ROCK1: variants seen among roughly 807,000 people sequenced by gnomAD.
ROCK1 encodes the protein Rho associated coiled-coil containing protein kinase 1.
In ROCK1, 36 loss-of-function variants were observed where a neutral mutation model predicts 196.8. The observed-to-expected ratio is 0.18, with a 90% CI of 0.14 to 0.24. The LOEUF (loss-of-function observed/expected upper bound fraction) is 0.24, where lower values mean the gene tolerates loss of function less well. ROCK1 is among the 10% of genes least tolerant of loss of function. ROCK1 has a pLI of 1.00. For synonymous variants in ROCK1, 443 were observed against 515.9 expected (o/e 0.86, Z 1.91); for missense variants, 920 against 1,562.0 (o/e 0.59, Z 6.93).
At chr18:21,067,214 A>G (rs1364264964) in intron 2 of ROCK1, among the ~76,000 whole-genome samples, 1 of 152,098 alleles carries the variant, frequency 6.6e-6, no homozygotes, top group Non-Finnish European at 1.5e-5. Context: ...GGCCATTTTT[A>G]CATCTTCTTT....
chr18:21,011,104 T>A (rs2035813201), intron 13 of ROCK1, among the ~76,000 whole-genome samples: 1 of 152,198 alleles, frequency 6.6e-6, no homozygotes, highest in Admixed American at 6.5e-5. Flanking sequence ...AATGGGGGAT[T>A]TAAAAAAATC....
rs2143499890 is a variant in ROCK1, at chr18:21,039,705, A to C, written c.960-142T>G. The C allele has an allele frequency of 1.4e-5, 8 of 584,820 alleles. No homozygotes were observed. In the South Asian group the frequency reaches 1.7e-4, roughly 12 times the overall value. 36.2% of individuals were successfully genotyped at this position (584,820 alleles called of 1,614,324 possible). On this transcript the variant is annotated intron_variant, in intron 8 of 32. Coordinates refer to ENST00000399799, the MANE Select transcript of ROCK1 (RefSeq NM_005406.3). ...GGTGAAATTATATTGTCAGCATAGTATCAGCCCAAATAGAAAATATGTTAA... is the reference window on the plus strand; with the variant it reads ...GGTGAAATTATATTGTCAGCATAGTCTCAGCCCAAATAGAAAATATGTTAA...
At chr18:20,959,982 A>T (rs2035311218) in intron 28 of ROCK1, 54 bp from the exon 29 acceptor site, 1 of 1,180,782 alleles carries the variant, frequency 8.5e-7, no homozygotes, top group Admixed American at 1.8e-5. Context: ...ACTTGGTTTA[A>T]AGTGATAAGC....
rs561868036 is a variant in ROCK1, at chr18:21,027,922, C to T, written c.1211+854G>A. ...GACTACAGGCGCCCGCTACCACGCC[C>T]GGCTAATTTTTTGTATTTTTAGTAG... On this transcript the variant is annotated intron_variant, in intron 10 of 32. Coordinates refer to ENST00000399799, the MANE Select transcript of ROCK1 (RefSeq NM_005406.3). 6.7e-3 allele frequency among the ~76,000 whole-genome samples: 974 copies of T among 145,612 alleles called. 4 individuals carry two copies. Among genetic ancestry groups the T allele is most frequent in the Non-Finnish European group, 0.011 (719 of 66,002 alleles).
chr18:20,954,958 G>C lies in ROCK1; in HGVS notation c.3678C>G (p.His1226Gln), dbSNP rs2035227767. ...GTGTAGGAATAAACTCATGGCCTTT[G>C]TGATTTTGGAAATTAGTTTTTTCAG... ...QQAEKTNFQN[H>Q]KGHEFIPTLY... The change falls in exon 31 of 33, where the codon CAC (histidine) becomes CAG (glutamine). Residue 1226 changes from histidine to glutamine, a missense_variant. By Grantham distance (24) the His-to-Gln change is conservative. Around this residue, in one of 6 missense-constraint regions of ROCK1, gnomAD observed 49 missense variants for 180.4 expected, o/e 0.27. Transcript: ENST00000399799. 6.2e-7 allele frequency: 1 copy of C among 1,613,754 alleles called. No individual in the cohort carries two copies. Among genetic ancestry groups the C allele is most frequent in the Non-Finnish European group, 8.5e-7 (1 of 1,179,850 alleles).
At chr18:20,959,970 T>A in intron 28 of ROCK1, 42 bp from the exon 29 acceptor site, 1 of 1,282,334 alleles carries the variant, frequency 7.8e-7, no homozygotes, top group Non-Finnish European at 1.1e-6. Flanking sequence ...AGAGCAACAT[T>A]AACTTGGTTT....
chr18:20,978,738 T>G (rs1229687528), intron 22 of ROCK1, among the ~76,000 whole-genome samples: 1 of 152,090 alleles, frequency 6.6e-6, no homozygotes, highest in Admixed American at 6.5e-5. Flanking sequence ...TTCAACAAAT[T>G]AGTTTTAGGA....
At chr18:21,048,057 C>A (rs2036175853) in intron 4 of ROCK1, among the ~76,000 whole-genome samples, 1 of 152,134 alleles carries the variant, frequency 6.6e-6, no homozygotes, top group Non-Finnish European at 1.5e-5. Flanking sequence ...GAATTATAAT[C>A]TACCCAAAAC....
chr18:21,030,158 C>T (rs1598534962), intron 9 of ROCK1, among the ~76,000 whole-genome samples: 1 of 152,286 alleles, frequency 6.6e-6, no homozygotes, highest in East Asian at 1.9e-4. Context: ...ACATGGCCAG[C>T]TTTCTAATAT....
At chr18:21,055,258 T>A (rs1198255474) in intron 2 of ROCK1, among the ~76,000 whole-genome samples, 2 of 152,260 alleles carry the variant, frequency 1.3e-5, no homozygotes, top group Non-Finnish European at 2.9e-5. Context: ...TTAAAATTCA[T>A]AATCACAAAC....
chr18:21,060,902 A>G, intron 2 of ROCK1, among the ~76,000 whole-genome samples: 1 of 151,622 alleles, frequency 6.6e-6, no homozygotes, highest in Non-Finnish European at 1.5e-5. Context: ...TATTTACGGC[A>G]GCTTTATTCA....
intron 1 of ROCK1, among the ~76,000 whole-genome samples, chr18:21,076,961 CTTTTTTTT>C (rs71178160): frequency 1.5e-5 from 1 of 65,966 alleles, no homozygotes; most frequent in African/African-American, 6.2e-5. Context: ...AAAGGACAGT[CTTTTTTTT>C]TTTTTTTTTT....
At chr18:21,028,189 A>C (rs1191932862) in intron 10 of ROCK1, among the ~76,000 whole-genome samples, 5 of 151,258 alleles carry the variant, frequency 3.3e-5, no homozygotes. Flanking sequence ...AGGCCGAGGC[A>C]GGCAGATCAT....
At chr18:21,084,236 A>C (rs1243156260) in intron 1 of ROCK1, among the ~76,000 whole-genome samples, 1 of 140,426 alleles carries the variant, frequency 7.1e-6, no homozygotes, top group Non-Finnish European at 1.5e-5. Flanking sequence ...CTTGTACATG[A>C]GACCAAGAAC....
chr18:21,010,624 G>A (rs1328124443), intron 13 of ROCK1, among the ~76,000 whole-genome samples: 1 of 152,190 alleles, frequency 6.6e-6, no homozygotes, highest in Admixed American at 6.5e-5. Flanking sequence ...TTGTTTTATA[G>A]CTTGGGATGT....
Position 20,966,793 on chromosome 18 carries a change from A to G in ROCK1, c.3352+124T>C, listed in dbSNP as rs2035377877. ...TCATCATCAGGCCTTGGCTATCAGAAATAAGAATTCCTTCTTAGGAATCCA... is the reference window on the plus strand; with the variant it reads ...TCATCATCAGGCCTTGGCTATCAGAGATAAGAATTCCTTCTTAGGAATCCA... On this transcript the variant is annotated intron_variant, in intron 27 of 32. Transcript: ENST00000399799. The G allele has an allele frequency of 8.0e-6, 6 of 746,938 alleles. No individual in the cohort carries two copies. The East Asian group carries it at 1.6e-4, about 20-fold the overall frequency. 46.3% of individuals were successfully genotyped at this position (746,938 alleles called of 1,614,324 possible).
At chr18:20,962,002 CA>C (rs1265793450) in intron 27 of ROCK1, among the ~76,000 whole-genome samples, 1 of 151,916 alleles carries the variant, frequency 6.6e-6, no homozygotes, top group African/African-American at 2.4e-5. Flanking sequence ...TTTGTGAGAG[CA>C]AGGACCATAT....
intron 23 of ROCK1, 199 bp from the exon 24 acceptor site, chr18:20,969,407 T>C: frequency 2.2e-6 from 1 of 461,308 alleles, no homozygotes; most frequent in Non-Finnish European, 3.8e-6. Context: ...ATTATTTCAT[T>C]GTATGCATAT....
chr18:21,040,265 G>A (rs2036094147), intron 8 of ROCK1, among the ~76,000 whole-genome samples: 1 of 151,878 alleles, frequency 6.6e-6, no homozygotes, highest in Admixed American at 6.6e-5. Context: ...ACTTTACTTA[G>A]GCAGCAATAC....
Sources: allele counts gnomAD v4.1 joint callset (sites outside exome capture counted in the v4.1 genomes callset), GRCh38; gene constraint gnomAD v4.1.1; regional missense constraint gnomAD v4.1.1; transcripts MANE v1.5; gene names NCBI Gene and HGNC (gene_info 2026-07-23, HGNC 2026-07-21).